The following RGS14 variants were observed in gnomAD, a reference collection of about 807,000 sequenced individuals.
RGS14 encodes regulator of G-protein signaling 14.
In RGS14, 33 loss-of-function variants were observed where a neutral mutation model predicts 63.8. The observed-to-expected ratio is 0.52, with a 90% CI of 0.39 to 0.69. The LOEUF (loss-of-function observed/expected upper bound fraction) is 0.69, where lower values mean the gene tolerates loss of function less well. Ranked by LOEUF, RGS14 falls within the 30% of genes least tolerant of loss-of-function variation. The probability of loss-of-function intolerance (pLI) is 0.00; values close to 1 mark genes in which losing one functional copy is unlikely to be tolerated. For synonymous variants in RGS14, 296 were observed against 320.9 expected (o/e 0.92, Z 0.83); for missense variants, 739 against 742.9 (o/e 0.99, Z 0.06).
At chr5:177,368,368 G>A in intron 8 of RGS14, 102 bp downstream of exon 8, 7 of 1,256,230 alleles carry the variant, frequency 5.6e-6, no homozygotes, top group Non-Finnish European at 7.6e-6. Flanking sequence ...TCCTTACTGC[G>A]TCTCCCAGCT....
chr5:177,370,716 G>A lies in RGS14; in HGVS notation c.1127+52G>A, dbSNP rs768693744. On this transcript the variant is annotated intron_variant, in intron 10 of 14. Coordinates refer to ENST00000408923, the MANE Select transcript of RGS14 (RefSeq NM_006480.5). The stretch of plus-strand genomic sequence containing the variant: ...TCCCAGGTCCTGACGCTCCCTTCAG[G>A]CCCTGTTCTAGCTACCTGGCTCCCC... 1.0e-5 allele frequency: 16 copies of A among 1,596,388 alleles called. No individual in the cohort carries two copies. In the East Asian group the frequency reaches 3.1e-4, roughly 31 times the overall value.
chr5:177,366,922 A>G lies in RGS14; in HGVS notation c.371A>G (p.Glu124Gly), dbSNP rs369592386. The G allele has an allele frequency of 2.0e-5, 32 of 1,613,800 alleles. No homozygotes were observed. Among genetic ancestry groups the G allele is most frequent in the Non-Finnish European group, 2.6e-5 (31 of 1,179,898 alleles). The change falls in exon 5 of 15, where the codon GAG becomes GGG. Residue 124 changes from glutamate (E) to glycine (G), a missense_variant. Physicochemically the swap from Glu to Gly is moderately conservative, Grantham distance 98. Transcript: ENST00000408923. Reference protein sequence around the residue: ...LAQEARNIYQEFLSSQALSPV... With the variant: ...LAQEARNIYQGFLSSQALSPV... ...CAGGAGGCCCGCAACATCTACCAGGAGTTCCTGTCCAGCCAGGCGCTGAGC... is the reference window on the plus strand; with the variant it reads ...CAGGAGGCCCGCAACATCTACCAGGGGTTCCTGTCCAGCCAGGCGCTGAGC...
intron 3 of RGS14, 170 bp from the exon 4 acceptor site, chr5:177,366,538 C>A (rs1162738373): frequency 2.5e-6 from 2 of 794,518 alleles, no homozygotes; most frequent in Non-Finnish European, 4.1e-6. Context: ...CTCTGCCTCT[C>A]ATTTTCTCTC....
At position 177,366,718 on chromosome 5, in the gene RGS14, A is replaced by G. The variant is rs1193537106; in HGVS notation, c.257A>G (p.Lys86Arg). 1 of 1,614,030 alleles carries G rather than the reference A, an allele frequency of 6.2e-7. No homozygotes were observed. The highest frequency in any genetic ancestry group is 1.7e-5 in the Admixed American group (1 of 60,000). ...LGLAYFTEFL[K>R]KEFSAENVTF... ...TCCTTCCCCTCCCAGGAGTTCCTGAAGAAGGAGTTCAGCGCGGAAAACGTG... is the reference window on the plus strand; with the variant it reads ...TCCTTCCCCTCCCAGGAGTTCCTGAGGAAGGAGTTCAGCGCGGAAAACGTG... The change falls in exon 4 of 15, where the codon AAG becomes AGG. Residue 86 changes from lysine (K) to arginine (R), a missense_variant. Coordinates refer to ENST00000408923, the MANE Select transcript of RGS14 (RefSeq NM_006480.5).
At chr5:177,365,929 G>A (rs762363642) in intron 1 of RGS14, 34 bp from the exon 2 acceptor site, 2 of 1,612,574 alleles carry the variant, frequency 1.2e-6, no homozygotes, top group Non-Finnish European at 1.7e-6. Context: ...TCCTCACTGG[G>A]CTCTTCTGAC....
At chr5:177,361,561 C>T (rs1761966094) in intron 1 of RGS14, among the ~76,000 whole-genome samples, 1 of 152,164 alleles carries the variant, frequency 6.6e-6, no homozygotes, top group Non-Finnish European at 1.5e-5. Context: ...GAGTTCTAAT[C>T]TCAGTTCTGC....
chr5:177,371,551 G>GTA lies in RGS14; in HGVS notation c.1461_1462dup (p.Ser488IlefsTer19). The stretch of plus-strand genomic sequence containing the variant: ...CCCAGTTCTCTGGTGAAGGTGCCCA[G>GTA]TAGTGCCACTGGAAAGCGGCAGACC... On this transcript the variant is annotated frameshift_variant, in exon 14 of 15. Transcript: ENST00000408923. LOFTEE classifies it high-confidence loss of function. This position sits in a 1 kb window ranked among gnomAD's most constrained non-coding sequence, Gnocchi z 6.1. The GTA allele has an allele frequency of 6.2e-7, 1 of 1,614,188 alleles. No homozygotes were observed. Among genetic ancestry groups the GTA allele is most frequent in the Non-Finnish European group, 8.5e-7 (1 of 1,180,034 alleles).
chr5:177,368,083 A>AGTGG, intron 7 of RGS14, 74 bp from the exon 8 acceptor site: 1 of 1,561,792 alleles, frequency 6.4e-7, no homozygotes, highest in Non-Finnish European at 8.7e-7. Context: ...AAGGCCCACC[A>AGTGG]GTGGGGAACA....
At position 177,358,049 on chromosome 5, in the gene RGS14, G is replaced by A. The variant is rs1459350398; in HGVS notation, c.25G>A (p.Gly9Ser). ...CATGCCAGGGAAGCCCAAGCACCTG[G>A]GCGTCCCCAACGGGCGCATGGTGAG... MPGKPKHL[G>S]VPNGRMVLAV... Residue 9 changes from glycine (G) to serine (S), a missense_variant, in exon 1 of 15, where the codon GGC (glycine) becomes AGC (serine). Coordinates refer to ENST00000408923, the MANE Select transcript of RGS14 (RefSeq NM_006480.5). The surrounding 1 kb of genome is among the most constrained non-coding windows in gnomAD (Gnocchi z 4.8). 1 of 1,357,978 alleles carries A rather than the reference G, an allele frequency of 7.4e-7. No homozygotes were observed. The highest frequency in any genetic ancestry group is 9.6e-7 in the Non-Finnish European group (1 of 1,045,406). 84.1% of individuals were successfully genotyped at this position (1,357,978 alleles called of 1,614,324 possible). A position where few individuals can be genotyped will look rare whatever the true frequency, so the allele number is the denominator to read the frequency against.
intron 5 of RGS14, 123 bp from the exon 6 acceptor site, chr5:177,367,291 C>T: frequency 7.4e-7 from 1 of 1,342,848 alleles, no homozygotes; most frequent in Non-Finnish European, 1.0e-6. Flanking sequence ...GAGGTCGGGG[C>T]GGGGCTTGGG....
rs764627728 is a variant in RGS14, at chr5:177,366,805, G to A, written c.339+5G>A. ...CCGGCCAGCGATACCCAGCAGGTGG[G>A]GGAAGGGGGAGCTGGGGCCGAGGGC... On this transcript the variant is annotated splice_donor_5th_base_variant and intron_variant, in intron 4 of 14. Transcript: ENST00000408923. 1 of 1,614,156 alleles carries A rather than the reference G, an allele frequency of 6.2e-7. No individual in the cohort carries two copies. Among genetic ancestry groups the A allele is most frequent in the East Asian group, 2.2e-5 (1 of 44,868 alleles).
chr5:177,371,188 T>G lies in RGS14; in HGVS notation c.1278T>G (p.Asp426Glu), dbSNP rs1202837059. 6.2e-7 allele frequency: 1 copy of G among 1,613,008 alleles called. No homozygotes were observed. Among genetic ancestry groups the G allele is most frequent in the South Asian group, 1.1e-5 (1 of 91,060 alleles). Residue 426 changes from aspartate to glutamate, a missense_variant, in exon 12 of 15, where the codon GAT becomes GAG. Asp to Glu is a conservative substitution (Grantham distance 45). Transcript: ENST00000408923. The surrounding 1 kb of genome is among the most constrained non-coding windows in gnomAD (Gnocchi z 6.1). ...AGCCAGGCGAGAAACAGCCTCTGGA[T>G]CTGGGGAAGCTAGTGAGCTCGGTGG... ...LHRPGEKQPL[D>E]LGKLVSSVAA... is the part of the protein sequence containing the mutation.
Position 177,367,413 on chromosome 5 carries a change from G to C in RGS14, c.484-1G>C. On this transcript the variant is annotated splice_acceptor_variant, in intron 5 of 14. Transcript: ENST00000408923. LOFTEE classifies it high-confidence loss of function. ...TCACCTGTTCCGGGGTCGCCCCGCA[G>C]ATCTTCAACTTGATGAAGTTCGACA... 1 of 1,602,096 alleles carries C rather than the reference G, an allele frequency of 6.2e-7. No individual in the cohort carries two copies. Among genetic ancestry groups the C allele is most frequent in the Non-Finnish European group, 8.5e-7 (1 of 1,173,262 alleles).
Position 177,366,518 on chromosome 5 carries a change from C to CT in RGS14, c.246+164dup, listed in dbSNP as rs951683055. 1.2e-4 allele frequency: 97 copies of CT among 800,008 alleles called. No individual in the cohort carries two copies. The African/African-American group carries it at 1.5e-3, about 12-fold the overall frequency. The allele number at this position is 800,008 out of a possible 1,614,324, so 49.6% of individuals were successfully genotyped here. ...AGCTGGGAACTTTTCTTCCTTCTCC[C>CT]TGTCCTTGTCTCTGCCTCTCATTTT... On this transcript the variant is annotated intron_variant, in intron 3 of 14. Transcript: ENST00000408923.
In RGS14 at chr5:177,371,097, C is replaced by G. The variant is rs1390521033; in HGVS notation, c.1254+66C>G. 3.5e-6 allele frequency: 3 copies of G among 845,494 alleles called. No homozygotes were observed. Among genetic ancestry groups the G allele is most frequent in the African/African-American group, 4.9e-5 (2 of 41,186 alleles). 52.4% of individuals were successfully genotyped at this position (845,494 alleles called of 1,614,324 possible). On this transcript the variant is annotated intron_variant, in intron 11 of 14. Coordinates refer to ENST00000408923, the MANE Select transcript of RGS14 (RefSeq NM_006480.5). The surrounding 1 kb of genome is among the most constrained non-coding windows in gnomAD (Gnocchi z 6.1). ...GCCGGGGCCGGGGCCGGGGCCGGGG[C>G]CGGGGCCGGGGCCGGGGCCGGGGCC...
Position 177,368,211 on chromosome 5 carries a change from A to T in RGS14, c.794A>T (p.Asn265Ile). Reference protein sequence around the residue: ...ALRRESQGSLNSSASLDLGFL... With the variant: ...ALRRESQGSLISSASLDLGFL... ...CGCCGAGAGTCTCAGGGCTCCCTCA[A>T]CTCCTCCGCCAGCCTGGACCTTGGC... The change falls in exon 8 of 15, where the codon AAC (asparagine) becomes ATC (isoleucine). Residue 265 changes from asparagine (N) to isoleucine (I), a missense_variant. By Grantham distance (149) the Asn-to-Ile change is moderately radical. Transcript: ENST00000408923. The T allele has an allele frequency of 6.2e-7, 1 of 1,613,530 alleles. No individual in the cohort carries two copies. The highest frequency in any genetic ancestry group is 8.5e-7 in the Non-Finnish European group (1 of 1,179,806).
chr5:177,366,103 A>G (rs942777123), intron 2 of RGS14, 74 bp from the exon 3 acceptor site: 91 of 1,440,074 alleles, frequency 6.3e-5, no homozygotes, highest in Admixed American at 3.7e-4. Flanking sequence ...GAGTGGATGC[A>G]TGGGGGAGGG....
intron 1 of RGS14, among the ~76,000 whole-genome samples, chr5:177,360,663 C>T (rs891689954): frequency 2.0e-5 from 3 of 151,168 alleles, no homozygotes; most frequent in Admixed American, 6.6e-5. Flanking sequence ...CCTCTAATCC[C>T]AGCACTTTAG....
At position 177,358,122 on chromosome 5, in the gene RGS14, G is replaced by A. The variant is rs1279239363; in HGVS notation, c.45+53G>A. 6 of 1,282,768 alleles carry A rather than the reference G, an allele frequency of 4.7e-6. No homozygotes were observed. In the East Asian group the frequency reaches 1.2e-4, roughly 26 times the overall value. 79.5% of individuals were successfully genotyped at this position (1,282,768 alleles called of 1,614,324 possible). A position where few individuals can be genotyped will look rare whatever the true frequency, so the allele number is the denominator to read the frequency against. ...CGAGGAGGGGGTGGGCACACCCAGG[G>A]TGGAGCCCAGGAGGCACACCCGGCA... On this transcript the variant is annotated intron_variant, in intron 1 of 14. Transcript: ENST00000408923. The surrounding 1 kb of genome is among the most constrained non-coding windows in gnomAD (Gnocchi z 4.8).
Sources: gnomAD v4.1 joint callset for allele counts (sites outside exome capture counted in the v4.1 genomes callset) on GRCh38, gnomAD v4.1.1 for gene constraint, Gnocchi (gnomAD v3.1) non-coding constraint, MANE v1.5 for transcripts, NCBI Gene and HGNC (gene_info 2026-07-23, HGNC 2026-07-21) for gene names.